The following CACFD1 variants were observed in gnomAD, a reference collection of about 807,000 sequenced individuals.
The protein encoded by CACFD1 is calcium channel flower homolog.
Under a neutral mutation model 21.3 loss-of-function variants are expected in CACFD1, and 26 were observed. That is an observed-to-expected ratio of 1.22 (90% CI 0.89 to 1.69). The LOEUF (loss-of-function observed/expected upper bound fraction) is 1.69, where lower values mean the gene tolerates loss of function less well. Ranked by LOEUF, CACFD1 falls within the 40% of genes most tolerant of loss-of-function variation. The pLI, the probability that CACFD1 is intolerant of heterozygous loss-of-function variation, is 0.00. For synonymous variants in CACFD1, 121 were observed against 106.6 expected, an observed-to-expected ratio of 1.13 and a Z score of -0.83; for missense variants, 265 against 236.2, an observed-to-expected ratio of 1.12 and a Z score of -0.80.
chr9:133,468,241 G>T, intron 4 of CACFD1: 5 of 1,398,158 alleles, frequency 3.6e-6, no homozygotes, highest in Non-Finnish European at 4.8e-6. Flanking sequence ...CCCCGTCACG[G>T]CCTGCAGCAA....
In CACFD1 at chr9:133,470,846, T is replaced by C. The variant is rs1009405436; in HGVS notation, c.*2193T>C. 2 of 152,494 alleles carry C rather than the reference T, an allele frequency of 1.3e-5. No homozygotes were observed. The highest frequency in any genetic ancestry group is 2.4e-5 in the African/African-American group (1 of 41,574). 9.4% of individuals were successfully genotyped at this position (152,494 alleles called of 1,614,324 possible). Reference sequence around the variant, plus strand: ...AGGAGCCGCTGGCCCAGGAAATAACTACAGGTCCTGTCCCGAGGCTGCCCC... The same window carrying C: ...AGGAGCCGCTGGCCCAGGAAATAACCACAGGTCCTGTCCCGAGGCTGCCCC... On this transcript the variant is annotated 3_prime_UTR_variant, in exon 5 of 5. Transcript: ENST00000316948.
rs1467093493 is a variant in CACFD1 at position 133,465,346 on chromosome 9, G to T, written c.219G>T (p.Leu73=). The T allele has an allele frequency of 1.4e-5, 23 of 1,613,952 alleles. No homozygotes were observed. Among genetic ancestry groups the T allele is most frequent in the Non-Finnish European group, 1.9e-5 (22 of 1,179,992 alleles). ...GCATGAATGCCTTCATCTTGTTGCT[G>T]TGTGAGGCGCCCTTCTGCTGCCAGT... The part of the protein sequence containing the change: ...WMIMNAFILL[L]CEAPFCCQFI... The change falls in exon 3 of 5, where the codon CTG becomes CTT. Residue 73 remains leucine (L), a synonymous_variant. Coordinates refer to ENST00000316948, the MANE Select transcript of CACFD1 (RefSeq NM_017586.5). This position sits in a 1 kb window ranked among gnomAD's most constrained non-coding sequence, Gnocchi z 5.0.
Position 133,464,442 on chromosome 9 carries a change from G to A in CACFD1, c.195-880G>A, listed in dbSNP as rs142065725. Among the ~76,000 whole-genome samples, 856 of 152,268 alleles carry A rather than the reference G, an allele frequency of 5.6e-3. 8 individuals are homozygous for A. The highest frequency in any genetic ancestry group is 0.019 in the African/African-American group (806 of 41,536). ...GGCTGGCCCAGCACAGAGTGAGCCC[G>A]TGCTTGGAGGCCTGGTGTGTGGGAG... On this transcript the variant is annotated intron_variant, in intron 2 of 4. Coordinates refer to ENST00000316948, the MANE Select transcript of CACFD1 (RefSeq NM_017586.5).
intron 2 of CACFD1, chr9:133,464,902 CT>C: frequency 6.0e-6 from 1 of 166,026 alleles, no homozygotes; most frequent in Admixed American, 5.7e-5. Flanking sequence ...CCACTGACGG[CT>C]TTTGGTGGCC....
At position 133,460,038 on chromosome 9, in the gene CACFD1, G is replaced by T. The variant is rs2301614; in HGVS notation, c.-29G>T. ...GGCCGGCTACCGAGCCCTTTGTGAGGGCTGTGAGCTGCGCCTGACGGTGGC... is the reference window on the plus strand; with the variant it reads ...GGCCGGCTACCGAGCCCTTTGTGAGTGCTGTGAGCTGCGCCTGACGGTGGC... On this transcript the variant is annotated 5_prime_UTR_variant, in exon 1 of 5. Transcript: ENST00000316948. The T allele has an allele frequency of 2.3e-5, 36 of 1,533,002 alleles. No individual in the cohort carries two copies. Among genetic ancestry groups the T allele is most frequent in the Non-Finnish European group, 3.1e-5 (35 of 1,140,920 alleles). The allele number at this position is 1,533,002 out of a possible 1,614,324, so 95.0% of individuals were successfully genotyped here.
At chr9:133,462,784 C>T (rs1843271624) in intron 1 of CACFD1, among the ~76,000 whole-genome samples, 1 of 152,216 alleles carries the variant, frequency 6.6e-6, no homozygotes, top group South Asian at 2.1e-4. Flanking sequence ...AAGCCACGTT[C>T]TGGGGTGGAA....
At position 133,462,130 on chromosome 9, in the gene CACFD1, C is replaced by G. The variant is rs1391500232; in HGVS notation, c.122-1353C>G. The G allele has an allele frequency of 4.6e-6, 6 of 1,303,814 alleles. No individual in the cohort carries two copies. The East Asian group carries it at 2.2e-4, about 48-fold the overall frequency. 80.8% of individuals were successfully genotyped at this position (1,303,814 alleles called of 1,614,324 possible). ...GTCTGGCTTGACACCTGGTCCTCCC[C>G]CAAGGCTGGCTGTGGGTTGGACAGC... is the stretch of plus-strand genomic sequence containing the variant. On this transcript the variant is annotated intron_variant, in intron 1 of 4. Transcript: ENST00000316948.
At chr9:133,467,787 G>A (rs1554799819) in intron 3 of CACFD1, 134 bp from the exon 4 acceptor site, 1 of 643,680 alleles carries the variant, frequency 1.6e-6, no homozygotes, top group African/African-American at 1.8e-5. Context: ...CTGAAGCTGT[G>A]TCTCAGTTGA....
chr9:133,468,685 C>A lies in CACFD1; in HGVS notation c.*32C>A. The A allele has an allele frequency of 6.5e-7, 1 of 1,541,540 alleles. No homozygotes were observed. Among genetic ancestry groups the A allele is most frequent in the South Asian group, 1.2e-5 (1 of 82,894 alleles). On this transcript the variant is annotated 3_prime_UTR_variant, in exon 5 of 5. Transcript: ENST00000316948. ...GGGCGCCCCTCCCTCCCTGTCCCCT[C>A]TTCTGGCTCTGTGTGGGTCCAAGTG... is the stretch of plus-strand genomic sequence containing the variant.
chr9:133,461,126 T>G (rs739468), intron 1 of CACFD1, among the ~76,000 whole-genome samples: 121,648 of 152,268 alleles, frequency 0.8, 49,181 homozygotes, highest in East Asian at 0.93. Flanking sequence ...TGTCTGCAGG[T>G]TTTAAACAGT....
Position 133,459,999 on chromosome 9 carries a change from G to C in CACFD1, c.-68G>C. The C allele has an allele frequency of 6.9e-7, 1 of 1,457,482 alleles. No homozygotes were observed. The allele number at this position is 1,457,482 out of a possible 1,614,324, so 90.3% of individuals were successfully genotyped here. A position where few individuals can be genotyped will look rare whatever the true frequency, so the allele number is the denominator to read the frequency against. Reference sequence around the variant, plus strand: ...TGCTCCCTCTCCCACAAGGCAGCGCGCCGGCTCGGACGCGGCCGGCTACCG... The same window carrying C: ...TGCTCCCTCTCCCACAAGGCAGCGCCCCGGCTCGGACGCGGCCGGCTACCG... On this transcript the variant is annotated 5_prime_UTR_variant, in exon 1 of 5. Transcript: ENST00000316948.
Position 133,468,619 on chromosome 9 carries a change from A to T in CACFD1, c.485A>T (p.Glu162Val). Residue 162 changes from glutamate to valine, a missense_variant, in exon 5 of 5, where the codon GAG (glutamate) becomes GTG (valine). Transcript: ENST00000316948. ...CAGCAGAGGCAGCAGGCGGATGAGG[A>T]GAAGCTCGCGGAGACCCTGGAGGGG... is the stretch of plus-strand genomic sequence containing the variant. ...IQQQRQQADE[E>V]KLAETLEGEL is the part of the protein sequence containing the mutation. 1.3e-6 allele frequency: 2 copies of T among 1,589,216 alleles called. No homozygotes were observed. The highest frequency in any genetic ancestry group is 2.3e-5 in the South Asian group (2 of 86,920).
Position 133,467,976 on chromosome 9 carries a change from G to T in CACFD1, c.376G>T (p.Ala126Ser), listed in dbSNP as rs587721079. 6.2e-7 allele frequency: 1 copy of T among 1,613,926 alleles called. No individual in the cohort carries two copies. Among genetic ancestry groups the T allele is most frequent in the South Asian group, 1.1e-5 (1 of 91,088 alleles). The change falls in exon 4 of 5, where the codon GCC (alanine) becomes TCC (serine). Residue 126 changes from alanine to serine, a missense_variant. Physicochemically the swap from Ala to Ser is moderately conservative, Grantham distance 99. Coordinates refer to ENST00000316948, the MANE Select transcript of CACFD1 (RefSeq NM_017586.5). ...SLTLTTLLGN[A>S]IAFATGVLYG... The stretch of plus-strand genomic sequence containing the variant: ...GACCCTGACCACGCTGCTGGGCAAC[G>T]CCATCGCCTTTGCTACGGGGGTGCT...
At chr9:133,468,200 A>C in intron 4 of CACFD1, 172 bp downstream of exon 4, 1 of 1,141,600 alleles carries the variant, frequency 8.8e-7, no homozygotes, top group African/African-American at 1.5e-5. Context: ...AAGACAGAGG[A>C]CTTACAACAC....
At chr9:133,466,310 G>GAAC (rs1843433235) in intron 3 of CACFD1, among the ~76,000 whole-genome samples, 1 of 152,214 alleles carries the variant, frequency 6.6e-6, no homozygotes, top group African/African-American at 2.4e-5. Context: ...TTGGAATATA[G>GAAC]AACAATGTTA....
rs1588218487 is a variant in CACFD1, at chr9:133,460,005, T to G, written c.-62T>G. On this transcript the variant is annotated 5_prime_UTR_variant, in exon 1 of 5. Transcript: ENST00000316948. ...CTCTCCCACAAGGCAGCGCGCCGGC[T>G]CGGACGCGGCCGGCTACCGAGCCCT... 24 of 1,466,210 alleles carry G rather than the reference T, an allele frequency of 1.6e-5. No individual in the cohort carries two copies. The South Asian group carries it at 2.9e-4, about 18-fold the overall frequency. 90.8% of individuals were successfully genotyped at this position (1,466,210 alleles called of 1,614,324 possible). A position where few individuals can be genotyped will look rare whatever the true frequency, so the allele number is the denominator to read the frequency against.
intron 2 of CACFD1, among the ~76,000 whole-genome samples, chr9:133,464,078 G>A (rs1021825976): frequency 4.6e-5 from 7 of 152,224 alleles, no homozygotes; most frequent in Non-Finnish European, 1.0e-4. Flanking sequence ...CCTCATGTGC[G>A]TTCCATGCCC....
chr9:133,460,285 C>A, intron 1 of CACFD1, 98 bp downstream of exon 1: 1 of 1,146,550 alleles, frequency 8.7e-7, no homozygotes, highest in Non-Finnish European at 1.1e-6. Context: ...GGGAAAGGAC[C>A]CGCTGGGGGT....
intron 4 of CACFD1, 182 bp downstream of exon 4, chr9:133,468,210 C>G (rs141888743): frequency 2.3e-5 from 28 of 1,222,624 alleles, no homozygotes; most frequent in Non-Finnish European, 3.0e-5. Flanking sequence ...ACTTACAACA[C>G]TTCTGCGTGG....
Sources: allele counts gnomAD v4.1 joint callset (sites outside exome capture counted in the v4.1 genomes callset), GRCh38; gene constraint gnomAD v4.1.1; non-coding constraint Gnocchi (gnomAD v3.1); transcripts MANE v1.5; gene names NCBI Gene and HGNC (gene_info 2026-07-23, HGNC 2026-07-21).